DLGAP1: variants seen among roughly 807,000 people sequenced by gnomAD.
The protein encoded by DLGAP1 is disks large-associated protein 1.
A neutral mutation model predicts 90.8 loss-of-function variants in DLGAP1; 11 were observed. The ratio of observed to expected loss-of-function variants is 0.12; its 90% confidence interval spans 0.08 to 0.20. DLGAP1 has a LOEUF of 0.20. Among genes scored for constraint, DLGAP1 ranks in the 10% least tolerant of loss-of-function variants. DLGAP1 has a pLI of 1.00. For synonymous variants in DLGAP1, 558 were observed against 540.7 expected (o/e 1.03, Z -0.44); for missense variants, 1,050 against 1,333.8 (o/e 0.79, Z 3.31).
At chr18:3,541,521 A>T (rs1427322662) in intron 9 of DLGAP1, among the ~76,000 whole-genome samples, 4 of 152,212 alleles carry the variant, frequency 2.6e-5, no homozygotes, top group South Asian at 2.1e-4. Context: ...GGAAACTTTG[A>T]AGAGTGGGGA....
At chr18:4,450,272 T>C (rs77536347) in intron 1 of DLGAP1, among the ~76,000 whole-genome samples, 2,963 of 152,232 alleles carry the variant, frequency 0.019, 46 homozygotes, top group Non-Finnish European at 0.032. Context: ...TCTACTGAAA[T>C]TGAAACCAAG....
chr18:3,877,222 T>C (rs2148820005), intron 4 of DLGAP1, among the ~76,000 whole-genome samples: 1 of 152,336 alleles, frequency 6.6e-6, no homozygotes, highest in African/African-American at 2.4e-5. Context: ...TTAATATCAC[T>C]TTCCTTATCT....
At chr18:4,297,701 C>A (rs374123661) in intron 1 of DLGAP1, among the ~76,000 whole-genome samples, 1 of 152,126 alleles carries the variant, frequency 6.6e-6, no homozygotes, top group Non-Finnish European at 1.5e-5. Flanking sequence ...TTCTATTCTC[C>A]GGATGAGATT....
At chr18:3,985,455 T>G (rs570653983) in intron 3 of DLGAP1, among the ~76,000 whole-genome samples, 1 of 152,212 alleles carries the variant, frequency 6.6e-6, no homozygotes, top group East Asian at 1.9e-4. Context: ...ATTAGCTATA[T>G]TTTTTGGGCA....
intron 7 of DLGAP1, among the ~76,000 whole-genome samples, chr18:3,606,122 G>T (rs898429575): frequency 7.9e-5 from 12 of 152,178 alleles, no homozygotes; most frequent in African/African-American, 2.9e-4. Flanking sequence ...CTGACCCTTT[G>T]TAGAGGCCAT....
At chr18:3,960,697 G>A (rs890116899) in intron 3 of DLGAP1, among the ~76,000 whole-genome samples, 1 of 152,240 alleles carries the variant, frequency 6.6e-6, no homozygotes, top group Non-Finnish European at 1.5e-5. Context: ...AGGTGAAGCC[G>A]AGGCTGTTAG....
chr18:3,524,992 G>C (rs1256720430), intron 10 of DLGAP1, among the ~76,000 whole-genome samples: 1 of 150,710 alleles, frequency 6.6e-6, no homozygotes, highest in Non-Finnish European at 1.5e-5. Flanking sequence ...GTTTTGTTTT[G>C]TTTTTAGCTG....
At chr18:3,646,320 G>A (rs2059114368) in intron 7 of DLGAP1, among the ~76,000 whole-genome samples, 1 of 152,122 alleles carries the variant, frequency 6.6e-6, no homozygotes, top group Non-Finnish European at 1.5e-5. Context: ...TTAAGCCCAG[G>A]AGGTCAAGGC....
chr18:4,118,467 T>C (rs936849716), intron 2 of DLGAP1, among the ~76,000 whole-genome samples: 12 of 152,200 alleles, frequency 7.9e-5, no homozygotes, highest in African/African-American at 2.9e-4. Flanking sequence ...GGCCTCACTA[T>C]TCTCTCCTAG....
chr18:4,106,031 CA>C (rs60176243), intron 2 of DLGAP1, among the ~76,000 whole-genome samples: 265 of 102,172 alleles, frequency 2.6e-3, no homozygotes, highest in African/African-American at 5.9e-3. Context: ...GGGTCCGTCT[CA>C]AAAAAAAAAA....
At chr18:3,972,505 A>ACTCTCTCT (rs35860801) in intron 3 of DLGAP1, among the ~76,000 whole-genome samples, 4 of 150,684 alleles carry the variant, frequency 2.7e-5, no homozygotes, top group African/African-American at 4.9e-5. Flanking sequence ...ACACACACAC[A>ACTCTCTCT]CACTCTCTCT....
intron 11 of DLGAP1, among the ~76,000 whole-genome samples, chr18:3,506,240 A>G (rs899042682): frequency 2.0e-5 from 3 of 148,102 alleles, no homozygotes; most frequent in Non-Finnish European, 4.5e-5. Flanking sequence ...TCGGCCGGGC[A>G]TGGTGGCTCA....
chr18:4,366,717 AT>A (rs1466741644), intron 1 of DLGAP1, among the ~76,000 whole-genome samples: 2 of 151,898 alleles, frequency 1.3e-5, no homozygotes, highest in East Asian at 1.9e-4. Context: ...AAAAAAAAAA[AT>A]CTCACTATAG....
intron 3 of DLGAP1, among the ~76,000 whole-genome samples, chr18:3,890,878 A>C (rs927810193): frequency 1.3e-5 from 2 of 152,188 alleles, no homozygotes; most frequent in Non-Finnish European, 2.9e-5. Flanking sequence ...ACAGATGTGC[A>C]CCACTGCGCC....
intron 7 of DLGAP1, among the ~76,000 whole-genome samples, chr18:3,622,054 AGTGTAT>A (rs2058112395): frequency 6.6e-6 from 1 of 151,718 alleles, no homozygotes; most frequent in Non-Finnish European, 1.5e-5. Context: ...GCGTATGGGT[AGTGTAT>A]GTGTATGTTG....
intron 4 of DLGAP1, among the ~76,000 whole-genome samples, chr18:3,859,383 T>C (rs2069882495): frequency 2.0e-5 from 3 of 152,212 alleles, no homozygotes. Flanking sequence ...TTTTAGATAG[T>C]AGATTCTGTA....
chr18:4,321,710 C>T (rs1423973206), intron 1 of DLGAP1, among the ~76,000 whole-genome samples: 1 of 152,148 alleles, frequency 6.6e-6, no homozygotes, highest in African/African-American at 2.4e-5. Context: ...TTAGAAATGG[C>T]TACAAGAACT....
intron 7 of DLGAP1, chr18:3,597,783 T>G: frequency 6.4e-6 from 1 of 157,298 alleles, no homozygotes. Flanking sequence ...GCATCCACCG[T>G]TCCTTCCTGT....
intron 1 of DLGAP1, among the ~76,000 whole-genome samples, chr18:4,300,465 A>C (rs1249761029): frequency 6.6e-6 from 1 of 152,150 alleles, no homozygotes; most frequent in Non-Finnish European, 1.5e-5. Flanking sequence ...CTACAAACTC[A>C]TTCTCCAAAC....
Sources: gnomAD v4.1 joint callset for allele counts (sites outside exome capture counted in the v4.1 genomes callset) on GRCh38, gnomAD v4.1.1 for gene constraint, MANE v1.5 for transcripts, NCBI Gene and HGNC (gene_info 2026-07-23, HGNC 2026-07-21) for gene names.